Variants in KIF3A observed in about 807,000 individuals in gnomAD.
KIF3A encodes the protein kinesin-like protein KIF3A.
KIF3A carries 27 observed loss-of-function variants against 92.6 expected under a neutral mutation model. The observed-to-expected ratio is 0.29, with a 90% CI of 0.21 to 0.40. The LOEUF (loss-of-function observed/expected upper bound fraction) is 0.40. Ranked by LOEUF, KIF3A falls within the 10% of genes least tolerant of loss-of-function variation. The probability of loss-of-function intolerance (pLI) is 1.00; values close to 1 mark genes in which losing one functional copy is unlikely to be tolerated. For synonymous variants in KIF3A, 250 were observed against 275.4 expected (o/e 0.91, Z 0.92); for missense variants, 581 against 872.6 (o/e 0.67, Z 4.21).
At chr5:132,700,875 A>T (rs3756755) in intron 15 of KIF3A, among the ~76,000 whole-genome samples, 175 bp from the exon 16 acceptor site, 2 of 152,074 alleles carry the variant, frequency 1.3e-5, no homozygotes, top group African/African-American at 4.8e-5. Flanking sequence ...CATGCAGATG[A>T]AATAAAACTA....
At chr5:132,712,260 G>T (rs1380322783) in intron 8 of KIF3A, among the ~76,000 whole-genome samples, 1 of 152,160 alleles carries the variant, frequency 6.6e-6, no homozygotes, top group African/African-American at 2.4e-5. Context: ...GAAGACACAA[G>T]ATAAACCTAA....
intron 4 of KIF3A, chr5:132,722,979 T>C (rs764265743): frequency 1.3e-5 from 2 of 152,202 alleles, no homozygotes; most frequent in African/African-American, 2.4e-5. Context: ...TCCTTTATAT[T>C]ACAGTAGGGT....
At chr5:132,721,191 C>T (rs1386496221) in intron 4 of KIF3A, among the ~76,000 whole-genome samples, 4 of 152,102 alleles carry the variant, frequency 2.6e-5, no homozygotes, top group Non-Finnish European at 2.9e-5. Flanking sequence ...TATAGGAAGA[C>T]AGAGACAAGT....
chr5:132,711,490 G>T (rs1753421170), intron 8 of KIF3A, among the ~76,000 whole-genome samples: 1 of 152,042 alleles, frequency 6.6e-6, no homozygotes, highest in African/African-American at 2.4e-5. Flanking sequence ...TACTTGGGAG[G>T]CTGAGGCAGG....
Position 132,715,889 on chromosome 5 carries a change from T to C in KIF3A, c.997A>G (p.Ile333Val), listed in dbSNP as rs775929168. ...GPADYNYDET[I>V]STLRYANRAK... is the part of the protein sequence containing the mutation. Reference sequence around the variant, plus strand: ...CGATTGGCATACCGTAATGTACTGATAGTTTCATCATAATTGTAATCTGCT... The same window carrying C: ...CGATTGGCATACCGTAATGTACTGACAGTTTCATCATAATTGTAATCTGCT... The change falls in exon 8 of 19, where the codon ATC becomes GTC. Residue 333 changes from isoleucine (I) to valine (V), a missense_variant. Ile to Val is a conservative substitution (Grantham distance 29). Around this residue, in one of 5 missense-constraint regions of KIF3A, gnomAD observed 167 missense variants for 205.8 expected, o/e 0.81. Transcript: ENST00000403231. 8 of 1,603,690 alleles carry C rather than the reference T, an allele frequency of 5.0e-6. No individual in the cohort carries two copies. The highest frequency in any genetic ancestry group is 1.3e-5 in the African/African-American group (1 of 74,558).
At chr5:132,706,816 G>A (rs1406283422) in intron 10 of KIF3A, among the ~76,000 whole-genome samples, 1 of 152,160 alleles carries the variant, frequency 6.6e-6, no homozygotes, top group African/African-American at 2.4e-5. Flanking sequence ...TTAGGAACCT[G>A]CTAAGATCTG....
At chr5:132,688,993 G>A (rs1247359358), downstream of KIF3A, among the ~76,000 whole-genome samples, 2 of 152,162 alleles carry the variant, frequency 1.3e-5, no homozygotes, top group Admixed American at 6.5e-5. Flanking sequence ...AGCCATAAAC[G>A]TGTTTGGGTG....
At chr5:132,736,697 G>A (rs1754399607) in intron 1 of KIF3A, 1 of 418,746 alleles carries the variant, frequency 2.4e-6, no homozygotes, top group Non-Finnish European at 4.8e-6. Context: ...AACCCCATGA[G>A]GTAAAGTTTA....
At chr5:132,710,879 C>G in intron 9 of KIF3A, 80 bp downstream of exon 9, 1 of 1,582,132 alleles carries the variant, frequency 6.3e-7, no homozygotes, top group South Asian at 1.1e-5. Flanking sequence ...AAACAGATAA[C>G]GGCAAAATAA....
intron 9 of KIF3A, among the ~76,000 whole-genome samples, chr5:132,709,655 A>G (rs1291283070): frequency 6.6e-6 from 1 of 152,214 alleles, no homozygotes; most frequent in African/African-American, 2.4e-5. Context: ...TACTCTGTGA[A>G]AAACTAGGTG....
intron 8 of KIF3A, among the ~76,000 whole-genome samples, chr5:132,714,913 T>C (rs1449216038): frequency 6.6e-6 from 1 of 152,222 alleles, no homozygotes; most frequent in Non-Finnish European, 1.5e-5. Context: ...TACCACCTAG[T>C]GGTCACATTT....
intron 14 of KIF3A, 36 bp downstream of exon 14, chr5:132,702,522 G>C (rs1434754950): frequency 3.3e-6 from 4 of 1,214,814 alleles, no homozygotes; most frequent in African/African-American, 1.5e-5. Flanking sequence ...AAAAAATCCA[G>C]AACTGCATTA....
chr5:132,715,624 C>G, intron 8 of KIF3A, 133 bp downstream of exon 8: 1 of 611,722 alleles, frequency 1.6e-6, no homozygotes, highest in Non-Finnish European at 2.8e-6. Flanking sequence ...AAGTCACTTT[C>G]TAGAAATATT....
At chr5:132,734,183 T>C (rs1162727602) in intron 2 of KIF3A, 22 bp downstream of exon 2, 2 of 1,584,278 alleles carry the variant, frequency 1.3e-6, no homozygotes, top group Non-Finnish European at 1.7e-6. Flanking sequence ...GGGAGTTTTT[T>C]AAAAAGTAAA....
rs1410433082 is a variant in KIF3A, at chr5:132,724,832, TATATATATATATATATATATATATTA to T, written c.510+1270_510+1295del. ...ATATATATATATATATATATATATA[TATATATATATATATATATATATATTA>T]AAAAATCATTCTAAGAAAGGGATTA... On this transcript the variant is annotated intron_variant, in intron 4 of 18. Coordinates refer to ENST00000403231, the MANE Select transcript of KIF3A (RefSeq NM_001300791.2). Among the ~76,000 whole-genome samples, 132 of 39,514 alleles carry T rather than the reference TATATATATATATATATATATATATTA, an allele frequency of 3.3e-3. 10 individuals carry two copies. The highest frequency in any genetic ancestry group is 6.9e-3 in the Non-Finnish European group (100 of 14,572). 25.9% of individuals were successfully genotyped at this position (39,514 alleles called of 152,430 possible).
chr5:132,704,747 G>C (rs1753151633), intron 11 of KIF3A, among the ~76,000 whole-genome samples: 1 of 151,852 alleles, frequency 6.6e-6, no homozygotes, highest in African/African-American at 2.4e-5. Flanking sequence ...CAGAAGAAGA[G>C]TGTAAATCAT....
chr5:132,735,313 G>C, intron 1 of KIF3A, among the ~76,000 whole-genome samples: 1 of 152,098 alleles, frequency 6.6e-6, no homozygotes. Flanking sequence ...GACCGCAAGT[G>C]ATCCACCCAC....
intron 1 of KIF3A, 62 bp downstream of exon 1, chr5:132,737,352 G>C: frequency 6.4e-7 from 1 of 1,555,826 alleles, no homozygotes; most frequent in Non-Finnish European, 8.7e-7. Context: ...GGCAACGGCC[G>C]CGCCCCCGGG....
At chr5:132,700,972 AG>A (rs1753016048) in intron 15 of KIF3A, among the ~76,000 whole-genome samples, 1 of 152,214 alleles carries the variant, frequency 6.6e-6, no homozygotes, top group Non-Finnish European at 1.5e-5. Flanking sequence ...GAATGAAATA[AG>A]GGAAGGGGAA....
Sources: allele counts gnomAD v4.1 joint callset (sites outside exome capture counted in the v4.1 genomes callset), GRCh38; gene constraint gnomAD v4.1.1; regional missense constraint gnomAD v4.1.1; transcripts MANE v1.5; gene names NCBI Gene and HGNC (gene_info 2026-07-23, HGNC 2026-07-21).